The following SLC12A7 variants were observed in gnomAD, a reference collection of about 807,000 sequenced individuals.
The protein encoded by SLC12A7 is K-Cl cotransporter 4.
In SLC12A7, 100 loss-of-function variants were observed where a neutral mutation model predicts 120.6. The observed-to-expected ratio is 0.83, with a 90% confidence interval of 0.71 to 0.98. SLC12A7 has a LOEUF of 0.98. Among genes scored for constraint, SLC12A7 ranks in the 50% least tolerant of loss-of-function variants. The pLI is 0.00. For missense variants in SLC12A7, 1,373 were observed against 1,548.1 expected, an observed-to-expected ratio of 0.89 and a Z score of 1.90; for synonymous variants, 760 against 678.0, an observed-to-expected ratio of 1.12 and a Z score of -1.88.
At chr5:1,119,676 C>T in the SLC12A7 span, among the ~76,000 whole-genome samples, 26 of 152,260 alleles carry the variant, frequency 1.7e-4, no homozygotes, top group African/African-American at 6.0e-4. Context: ...TCAGCCACCC[C>T]GTGCCAGGCT....
chr5:1,089,000 C>A lies in SLC12A7; in HGVS notation c.471G>T (p.Val157=), dbSNP rs1353798830. The A allele has an allele frequency of 6.2e-7, 1 of 1,612,828 alleles. No individual in the cohort carries two copies. The highest frequency in any genetic ancestry group is 8.5e-7 in the Non-Finnish European group (1 of 1,179,968). The change falls in exon 4 of 24, where the codon GTG becomes GTT. Residue 157 remains valine, a synonymous_variant. Transcript: ENST00000264930. ...GACTCACACATGTGCAGCACATGGC[C>A]ACGATGAGGAAGGACTCCAGGACAC... is the stretch of plus-strand genomic sequence containing the variant. The part of the protein sequence containing the change: ...VAGVLESFLI[V]AMCCTCTMLT...
intron 2 of SLC12A7, 79 bp from the exon 3 acceptor site, chr5:1,093,734 T>C (rs1320990147): frequency 6.3e-7 from 1 of 1,585,402 alleles, no homozygotes; most frequent in Non-Finnish European, 8.6e-7. Context: ...GTTCAGGGTG[T>C]GGAGCTCAGG....
chr5:1,077,714 A>T, intron 12 of SLC12A7, 119 bp downstream of exon 12: 1 of 1,102,736 alleles, frequency 9.1e-7, no homozygotes, highest in Non-Finnish European at 1.3e-6. Flanking sequence ...CAGAATGACC[A>T]CCATGGGGTC....
chr5:1,129,680 C>G, the SLC12A7 span, among the ~76,000 whole-genome samples: 1 of 152,040 alleles, frequency 6.6e-6, no homozygotes, highest in Non-Finnish European at 1.5e-5. Flanking sequence ...ACGGGAACAC[C>G]TGGGGCACCC....
At chr5:1,059,872 G>A (rs1389734146) in intron 21 of SLC12A7, among the ~76,000 whole-genome samples, 1 of 150,316 alleles carries the variant, frequency 6.7e-6, no homozygotes, top group East Asian at 1.9e-4. Context: ...TGCATGCTGC[G>A]GGGAAGGGCA....
the SLC12A7 span, among the ~76,000 whole-genome samples, chr5:1,136,705 A>G: frequency 1.5e-5 from 2 of 135,114 alleles, no homozygotes; most frequent in Non-Finnish European, 3.2e-5. Context: ...TCAGACACCA[A>G]CACCAGGACA....
chr5:1,095,043 T>TAGGAGGCGGGGGGCCGGG (rs1448447086), intron 1 of SLC12A7, among the ~76,000 whole-genome samples: 4 of 84,342 alleles, frequency 4.7e-5, no homozygotes, highest in African/African-American at 1.5e-4. Context: ...GGGGGGCCGG[T>TAGGAGGCGGGGGGCCGGG]AGGAGGCGGG....
At chr5:1,056,783 C>T (rs888515796) in intron 22 of SLC12A7, among the ~76,000 whole-genome samples, 16 of 152,136 alleles carry the variant, frequency 1.1e-4, no homozygotes, top group East Asian at 5.8e-4. Context: ...GTGTCTCTTG[C>T]GCTCTCATCT....
the SLC12A7 span, among the ~76,000 whole-genome samples, chr5:1,120,294 G>A: frequency 6.6e-6 from 1 of 152,218 alleles, no homozygotes; most frequent in South Asian, 2.1e-4. Context: ...GTGGGCACCT[G>A]CCGTCCACAG....
intron 20 of SLC12A7, among the ~76,000 whole-genome samples, chr5:1,062,669 AGGGCTGGG>A (rs201629110): frequency 0.011 from 966 of 85,888 alleles, 13 homozygotes; most frequent in African/African-American, 0.046. Context: ...TGCCATACCC[AGGGCTGGG>A]GGGCTGGGGG....
the SLC12A7 span, among the ~76,000 whole-genome samples, chr5:1,129,834 T>C: frequency 6.4e-4 from 98 of 152,132 alleles, no homozygotes; most frequent in Non-Finnish European, 1.2e-3. Context: ...ACCCGAAACC[T>C]GGTGATTCAA....
At chr5:1,108,708 G>A (rs1255124853) in intron 1 of SLC12A7, among the ~76,000 whole-genome samples, 2 of 152,224 alleles carry the variant, frequency 1.3e-5, no homozygotes, top group Non-Finnish European at 2.9e-5. Context: ...GCACCGTCTC[G>A]CCATTCCCAA....
At chr5:1,068,232 C>T (rs3789202) in intron 17 of SLC12A7, among the ~76,000 whole-genome samples, 71,507 of 151,968 alleles carry the variant, frequency 0.47, 17,085 homozygotes, top group East Asian at 0.62. Flanking sequence ...CTCAGGAGTT[C>T]GAGACCAGAC....
intron 10 of SLC12A7, among the ~76,000 whole-genome samples, chr5:1,079,107 C>T (rs912869464): frequency 5.3e-5 from 8 of 152,136 alleles, no homozygotes; most frequent in South Asian, 2.1e-4. Flanking sequence ...AGAGGCCCCG[C>T]GGGCCCAGCC....
At chr5:1,085,085 G>T in intron 7 of SLC12A7, 147 bp downstream of exon 7, 1 of 1,144,246 alleles carries the variant, frequency 8.7e-7, no homozygotes. Flanking sequence ...CCCAGAACGA[G>T]CCCACGGGGG....
upstream of SLC12A7, among the ~76,000 whole-genome samples, chr5:1,114,539 T>C (rs1268555108): frequency 6.6e-6 from 1 of 152,114 alleles, no homozygotes; most frequent in Admixed American, 6.5e-5. Flanking sequence ...TGGGGTTAAA[T>C]GTGCGTTGTG....
At chr5:1,078,029 G>A in intron 11 of SLC12A7, 22 bp from the exon 12 acceptor site, 8 of 1,540,002 alleles carry the variant, frequency 5.2e-6, no homozygotes, top group Non-Finnish European at 7.0e-6. Flanking sequence ...CGGGCAGGCG[G>A]GCGGGCGGCT....
chr5:1,083,368 GGGCAGGTCCGA>G (rs1305619790), intron 8 of SLC12A7, among the ~76,000 whole-genome samples: 1 of 152,184 alleles, frequency 6.6e-6, no homozygotes, highest in Admixed American at 6.5e-5. Context: ...CAACCCCCTG[GGGCAGGTCCGA>G]GGCAGCCTCT....
upstream of SLC12A7, among the ~76,000 whole-genome samples, chr5:1,115,711 A>G (rs1743288915): frequency 6.6e-6 from 1 of 152,006 alleles, no homozygotes; most frequent in African/African-American, 2.4e-5. Context: ...TCTCACCAGA[A>G]AGCCACCCGC....
Sources: gnomAD v4.1 joint callset for allele counts (sites outside exome capture counted in the v4.1 genomes callset) on GRCh38, gnomAD v4.1.1 for gene constraint, MANE v1.5 for transcripts, NCBI Gene and HGNC (gene_info 2026-07-23, HGNC 2026-07-21) for gene names.